MAGI2: variants seen among roughly 807,000 people sequenced by gnomAD.
MAGI2 encodes membrane-associated guanylate kinase, WW and PDZ domain-containing protein 2.
In MAGI2, 35 loss-of-function variants were observed where a neutral mutation model predicts 133.3. The observed-to-expected ratio is 0.26, with a 90% CI of 0.20 to 0.35. MAGI2 has a LOEUF of 0.35. Ranked by LOEUF, MAGI2 falls within the 10% of genes least tolerant of loss-of-function variation. The pLI, the probability that MAGI2 is intolerant of heterozygous loss-of-function variation, is 1.00. For missense variants in MAGI2, 1,636 were observed against 1,863.4 expected, an observed-to-expected ratio of 0.88 and a Z score of 2.25; for synonymous variants, 729 against 710.6, an observed-to-expected ratio of 1.03 and a Z score of -0.41.
At chr7:79,225,243 CCTT>C (rs1236130029) in intron 1 of MAGI2, among the ~76,000 whole-genome samples, 1 of 152,128 alleles carries the variant, frequency 6.6e-6, no homozygotes, top group African/African-American at 2.4e-5. Flanking sequence ...ACCACAAACT[CCTT>C]AAGAGAAAAT....
chr7:79,276,996 T>C (rs959077941), intron 1 of MAGI2, among the ~76,000 whole-genome samples: 1 of 151,770 alleles, frequency 6.6e-6, no homozygotes, highest in South Asian at 2.1e-4. Context: ...ATAAAATATA[T>C]AAACTTAGTT....
At chr7:78,020,404 G>C (rs1244676622) in intron 21 of MAGI2, among the ~76,000 whole-genome samples, 1 of 152,174 alleles carries the variant, frequency 6.6e-6, no homozygotes, top group Non-Finnish European at 1.5e-5. Flanking sequence ...GGAGGAGCAG[G>C]CCCGGAGGTT....
At chr7:78,584,768 T>C (rs1291007360) in intron 3 of MAGI2, among the ~76,000 whole-genome samples, 1 of 152,206 alleles carries the variant, frequency 6.6e-6, no homozygotes, top group East Asian at 1.9e-4. Flanking sequence ...GCTTCGGATA[T>C]CAGCCAAACC....
chr7:78,395,587 C>T (rs1796275175), intron 6 of MAGI2, among the ~76,000 whole-genome samples: 3 of 152,176 alleles, frequency 2.0e-5, no homozygotes, highest in African/African-American at 7.2e-5. Flanking sequence ...TGACCCAACG[C>T]AGAAACCCTA....
At chr7:79,287,138 A>G (rs138448280) in intron 1 of MAGI2, among the ~76,000 whole-genome samples, 1 of 152,132 alleles carries the variant, frequency 6.6e-6, no homozygotes, top group African/African-American at 2.4e-5. Flanking sequence ...CATCAGCATC[A>G]CCTGGGAGTT....
At chr7:78,774,069 C>T (rs1825795876) in intron 2 of MAGI2, among the ~76,000 whole-genome samples, 1 of 152,088 alleles carries the variant, frequency 6.6e-6, no homozygotes, top group Non-Finnish European at 1.5e-5. Flanking sequence ...CATAAAATTT[C>T]TGGAAACACT....
intron 15 of MAGI2, among the ~76,000 whole-genome samples, chr7:78,161,873 G>A (rs955097636): frequency 6.6e-6 from 1 of 152,100 alleles, no homozygotes; most frequent in Non-Finnish European, 1.5e-5. Flanking sequence ...AAAGATGGAT[G>A]CTTTTTGTAA....
chr7:79,254,352 G>A, intron 1 of MAGI2, among the ~76,000 whole-genome samples: 1 of 152,126 alleles, frequency 6.6e-6, no homozygotes, highest in South Asian at 2.1e-4. Context: ...CAACTCCATA[G>A]AAGTATTTAA....
At chr7:78,825,771 G>C (rs996621439) in intron 2 of MAGI2, among the ~76,000 whole-genome samples, 65 of 152,010 alleles carry the variant, frequency 4.3e-4, no homozygotes, top group Non-Finnish European at 8.8e-4. Context: ...ATTTACTGAA[G>C]GCCTACTATC....
At chr7:78,976,499 T>A (rs951947766) in intron 2 of MAGI2, among the ~76,000 whole-genome samples, 1 of 149,744 alleles carries the variant, frequency 6.7e-6, no homozygotes, top group African/African-American at 2.5e-5. Flanking sequence ...TAACATCTCA[T>A]GTTTTGATGA....
chr7:78,192,257 A>G (rs2150730292), intron 12 of MAGI2, among the ~76,000 whole-genome samples: 1 of 152,324 alleles, frequency 6.6e-6, no homozygotes, highest in African/African-American at 2.4e-5. Flanking sequence ...ACAAGAATAA[A>G]TAGAGCCAAA....
At chr7:78,336,169 T>C (rs1419591895) in intron 9 of MAGI2, among the ~76,000 whole-genome samples, 1 of 152,168 alleles carries the variant, frequency 6.6e-6, no homozygotes, top group Non-Finnish European at 1.5e-5. Flanking sequence ...TCCTTTTTTA[T>C]TTACCATGCA....
chr7:79,452,180 A>G (rs754058334), intron 1 of MAGI2, among the ~76,000 whole-genome samples: 5 of 152,148 alleles, frequency 3.3e-5, no homozygotes, highest in Non-Finnish European at 7.4e-5. Flanking sequence ...CTTCCACTCA[A>G]TGAGGGCAAC....
At chr7:78,119,557 C>CAAAAAAAA (rs1166809821) in intron 20 of MAGI2, among the ~76,000 whole-genome samples, 2 of 48,916 alleles carry the variant, frequency 4.1e-5, no homozygotes, top group African/African-American at 7.6e-5. Flanking sequence ...TGAGACTCCT[C>CAAAAAAAA]AAAAAAAAAA....
chr7:79,202,153 T>A (rs895808509), intron 1 of MAGI2, among the ~76,000 whole-genome samples: 15 of 152,004 alleles, frequency 9.9e-5, no homozygotes, highest in African/African-American at 3.4e-4. Context: ...TGTAACGCTG[T>A]AAATATTGGT....
intron 1 of MAGI2, among the ~76,000 whole-genome samples, chr7:79,081,267 AT>A (rs1230933180): frequency 6.6e-6 from 1 of 152,110 alleles, no homozygotes; most frequent in African/African-American, 2.4e-5. Flanking sequence ...TTCAAAGGTC[AT>A]TTCCTAAGAA....
At chr7:78,628,455 C>T (rs937935728) in intron 2 of MAGI2, among the ~76,000 whole-genome samples, 38 of 152,024 alleles carry the variant, frequency 2.5e-4, no homozygotes, top group Non-Finnish European at 4.6e-4. Context: ...AATAGCCAGT[C>T]GGTTCTCCTT....
intron 2 of MAGI2, among the ~76,000 whole-genome samples, chr7:78,998,695 T>C (rs1806561442): frequency 6.6e-6 from 1 of 152,156 alleles, no homozygotes; most frequent in South Asian, 2.1e-4. Context: ...GCTAGGCGCA[T>C]TTAAATCAGA....
chr7:79,079,591 T>C (rs1815852127), intron 1 of MAGI2, among the ~76,000 whole-genome samples: 1 of 152,154 alleles, frequency 6.6e-6, no homozygotes, highest in African/African-American at 2.4e-5. Flanking sequence ...TGGCTATTTC[T>C]ATTTTTTTCA....
Sources: allele counts gnomAD v4.1 joint callset (sites outside exome capture counted in the v4.1 genomes callset), GRCh38; gene constraint gnomAD v4.1.1; transcripts MANE v1.5; gene names NCBI Gene and HGNC (gene_info 2026-07-23, HGNC 2026-07-21).